RBM6: variants seen among roughly 807,000 people sequenced by gnomAD.
RBM6 encodes RNA-binding protein 6.
Under a neutral mutation model 140.4 loss-of-function variants are expected in RBM6, and 23 were observed. That is an observed-to-expected ratio of 0.16 (90% CI 0.12 to 0.23). RBM6 has a LOEUF of 0.23. RBM6 is among the 10% of genes least tolerant of loss of function. The probability of loss-of-function intolerance (pLI) is 1.00; values close to 1 mark genes in which losing one functional copy is unlikely to be tolerated. For synonymous variants in RBM6, 439 were observed against 475.6 expected, an observed-to-expected ratio of 0.92 and a Z score of 1.00; for missense variants, 1,139 against 1,386.7, an observed-to-expected ratio of 0.82 and a Z score of 2.84.
intron 1 of RBM6, among the ~76,000 whole-genome samples, chr3:49,959,839 A>T (rs1575551332): frequency 1.3e-5 from 2 of 152,046 alleles, no homozygotes; most frequent in African/African-American, 4.8e-5. Flanking sequence ...CCCAAAGTGC[A>T]GGGATTACAG....
chr3:50,063,595 CAAAA>C (rs531070691), intron 15 of RBM6, among the ~76,000 whole-genome samples: 3 of 87,208 alleles, frequency 3.4e-5, no homozygotes, highest in African/African-American at 4.3e-5. Context: ...AGACTTGTCT[CAAAA>C]AAAAAAAAAA....
intron 1 of RBM6, among the ~76,000 whole-genome samples, chr3:49,953,676 C>T (rs1228919943): frequency 6.6e-6 from 1 of 152,014 alleles, no homozygotes; most frequent in East Asian, 1.9e-4. Flanking sequence ...TGTGCTACCA[C>T]GCCTGGCTAA....
In RBM6 at chr3:49,986,624, A is replaced by C. The variant is rs574256216; in HGVS notation, c.1483+11232A>C. Among the ~76,000 whole-genome samples the C allele has an allele frequency of 1.0e-3, 151 of 151,504 alleles. 1 individual carries two copies. Among genetic ancestry groups the C allele is most frequent in the East Asian group, 2.5e-3 (13 of 5,112 alleles). ...AAAAAAAAAAACAAAACAAAAAAAAACCAAAACATTAAACCATACTCTCTA... is the reference window on the plus strand; with the variant it reads ...AAAAAAAAAAACAAAACAAAAAAAACCCAAAACATTAAACCATACTCTCTA... On this transcript the variant is annotated intron_variant, in intron 5 of 20. Coordinates refer to ENST00000266022, the MANE Select transcript of RBM6 (RefSeq NM_005777.3).
chr3:50,024,243 C>G (rs569726349), intron 6 of RBM6, among the ~76,000 whole-genome samples: 1 of 152,076 alleles, frequency 6.6e-6, no homozygotes, highest in African/African-American at 2.4e-5. Context: ...AAAGAACAGT[C>G]CTTCTAAATA....
At chr3:49,941,640 C>CA (rs1171636981) in intron 1 of RBM6, among the ~76,000 whole-genome samples, 598 of 58,676 alleles carry the variant, frequency 0.01, 37 homozygotes, top group East Asian at 0.033. Flanking sequence ...AACTCTGTCT[C>CA]AAAAAAAAAA....
At chr3:49,961,813 A>C (rs1334543760) in intron 1 of RBM6, among the ~76,000 whole-genome samples, 1 of 151,116 alleles carries the variant, frequency 6.6e-6, no homozygotes, top group Non-Finnish European at 1.5e-5. Context: ...AAAAAAAAAA[A>C]AGTATTTTTC....
chr3:49,967,712 G>C lies in RBM6; in HGVS notation c.287G>C (p.Arg96Thr), dbSNP rs141234052. The change falls in exon 3 of 21, where the codon AGG becomes ACG. Residue 96 changes from arginine to threonine, a missense_variant. Physicochemically the swap from Arg to Thr is moderately conservative, Grantham distance 71 (BLOSUM62 -1). This residue lies in a region of RBM6 where 566 missense variants were observed against 612.7 expected (regional missense o/e 0.92). Transcript: ENST00000266022. The surrounding 1 kb of genome is among the most constrained non-coding windows in gnomAD (Gnocchi z 4.0). ...GGGGAGGGACCTGGACATGATTTCAGGGGGGGAGATTTTTCGTCTTCTGAT... is the reference window on the plus strand; with the variant it reads ...GGGGAGGGACCTGGACATGATTTCACGGGGGGAGATTTTTCGTCTTCTGAT... The part of the protein sequence containing the change: ...RGGEGPGHDF[R>T]GGDFSSSDFQ... 261 of 1,614,018 alleles carry C rather than the reference G, an allele frequency of 1.6e-4. 5 individuals carry two copies. The Admixed American group carries it at 4.1e-3, about 25-fold the overall frequency.
chr3:50,047,419 T>C, intron 6 of RBM6: 1 of 747,910 alleles, frequency 1.3e-6, no homozygotes, highest in Non-Finnish European at 1.6e-6. Flanking sequence ...GCCTAGTGTT[T>C]ATTAAACAAA....
At chr3:50,021,740 C>CTTTTTTGTTTT (rs2087493178) in intron 6 of RBM6, among the ~76,000 whole-genome samples, 2 of 42,732 alleles carry the variant, frequency 4.7e-5, no homozygotes, top group Non-Finnish European at 8.2e-5. Flanking sequence ...AATTTAAGTG[C>CTTTTTTGTTTT]TTTTTTTTTT....
intron 3 of RBM6, among the ~76,000 whole-genome samples, chr3:49,971,056 C>T (rs557539505): frequency 2.6e-5 from 4 of 151,732 alleles, no homozygotes; most frequent in East Asian, 1.9e-4. Flanking sequence ...CATTTGAGGT[C>T]GTGGGTTTGA....
chr3:49,994,669 G>GGTGTGTGTGTGTGTGTGTGTGTGT (rs59949998), intron 5 of RBM6, among the ~76,000 whole-genome samples: 168 of 148,260 alleles, frequency 1.1e-3, no homozygotes, highest in African/African-American at 4.1e-3. Flanking sequence ...AAGGCTGTGG[G>GGTGTGTGTGTGTGTGTGTGTGTGT]GTGTGTGTGT....
At chr3:49,943,446 A>G (rs2083368777) in intron 1 of RBM6, among the ~76,000 whole-genome samples, 1 of 151,972 alleles carries the variant, frequency 6.6e-6, no homozygotes, top group Non-Finnish European at 1.5e-5. Flanking sequence ...GACTACAGGC[A>G]TGGGCTGCCA....
At chr3:49,977,428 G>C (rs2085108647) in intron 5 of RBM6, among the ~76,000 whole-genome samples, 1 of 152,028 alleles carries the variant, frequency 6.6e-6, no homozygotes, top group Admixed American at 6.6e-5. Context: ...TCACTGATTG[G>C]ATATTTCTAT....
intron 6 of RBM6, among the ~76,000 whole-genome samples, chr3:50,009,482 A>G (rs987751620): frequency 6.6e-6 from 1 of 152,204 alleles, no homozygotes; most frequent in Non-Finnish European, 1.5e-5. Flanking sequence ...TTCATCCTCT[A>G]GTGCATAGAT....
chr3:49,985,894 C>T (rs1304832308), intron 5 of RBM6, among the ~76,000 whole-genome samples: 1 of 152,076 alleles, frequency 6.6e-6, no homozygotes, highest in Non-Finnish European at 1.5e-5. Context: ...GCGTGAGCCA[C>T]CATGCCTGGC....
intron 1 of RBM6, among the ~76,000 whole-genome samples, chr3:49,943,147 G>A (rs2083356937): frequency 6.6e-6 from 1 of 152,104 alleles, no homozygotes; most frequent in South Asian, 2.1e-4. Context: ...TTCATTTGTA[G>A]CAGACACTTG....
chr3:49,982,609 G>A (rs2108677184), intron 5 of RBM6, among the ~76,000 whole-genome samples: 1 of 152,008 alleles, frequency 6.6e-6, no homozygotes, highest in Middle Eastern at 3.4e-3. Flanking sequence ...GTAGAGACGG[G>A]GTTTCATCAT....
In RBM6 at chr3:49,995,285, GC is replaced by G. The variant is rs2086031085; in HGVS notation, c.1484-4153del. Reference sequence around the variant, plus strand: ...TTTGCCTAAAAAAAAATATAAGGAGGCCGGGTGCGGTGGCTCACGCCTGTAA... The same window carrying G: ...TTTGCCTAAAAAAAAATATAAGGAGGCGGGTGCGGTGGCTCACGCCTGTAA... On this transcript the variant is annotated intron_variant, in intron 5 of 20. Transcript: ENST00000266022. Among the ~76,000 whole-genome samples, 3 of 152,058 alleles carry G rather than the reference GC, an allele frequency of 2.0e-5. No individual in the cohort carries two copies. In the South Asian group the frequency reaches 6.2e-4, roughly 32 times the overall value.
intron 6 of RBM6, among the ~76,000 whole-genome samples, chr3:50,027,282 G>A (rs1002095530): frequency 6.6e-6 from 1 of 152,150 alleles, no homozygotes; most frequent in East Asian, 1.9e-4. Context: ...TCTTTGCTTT[G>A]TCAGTAGTCT....
Sources: gnomAD v4.1 joint callset for allele counts (sites outside exome capture counted in the v4.1 genomes callset) on GRCh38, gnomAD v4.1.1 for gene constraint, gnomAD v4.1.1 regional missense constraint, Gnocchi (gnomAD v3.1) non-coding constraint, MANE v1.5 for transcripts, NCBI Gene and HGNC (gene_info 2026-07-23, HGNC 2026-07-21) for gene names.